ATP2B2: variants seen among roughly 807,000 people sequenced by gnomAD.
ATP2B2 encodes plasma membrane calcium-transporting ATPase 2.
A neutral mutation model predicts 120.0 loss-of-function variants in ATP2B2; 15 were observed. The ratio of observed to expected loss-of-function variants is 0.12; its 90% CI spans 0.08 to 0.19. The LOEUF (loss-of-function observed/expected upper bound fraction) is 0.19, where lower values mean the gene tolerates loss of function less well. Ranked by LOEUF, ATP2B2 falls within the 10% of genes least tolerant of loss-of-function variation. The pLI is 1.00. For synonymous variants in ATP2B2, 694 were observed against 700.3 expected, an observed-to-expected ratio of 0.99 and a Z score of 0.14; for missense variants, 1,045 against 1,719.8, an observed-to-expected ratio of 0.61 and a Z score of 6.94.
At chr3:10,530,189 G>T (rs1041123255) in intron 3 of ATP2B2, among the ~76,000 whole-genome samples, 2 of 152,180 alleles carry the variant, frequency 1.3e-5, no homozygotes, top group African/African-American at 4.8e-5. Flanking sequence ...ACCATTTGAG[G>T]CGATTGTTCC....
chr3:10,419,797 G>C (rs971409539), intron 2 of ATP2B2, among the ~76,000 whole-genome samples: 2 of 152,212 alleles, frequency 1.3e-5, no homozygotes, highest in African/African-American at 2.4e-5. Flanking sequence ...ACCCTGCCCT[G>C]TTCCAGCCTG....
chr3:10,405,142 C>T (rs2160871), intron 3 of ATP2B2, among the ~76,000 whole-genome samples: 25,139 of 152,148 alleles, frequency 0.17, 2,446 homozygotes, highest in Admixed American at 0.28. Flanking sequence ...GATAACCCAA[C>T]GGATTTGTGA....
intron 22 of ATP2B2, among the ~76,000 whole-genome samples, chr3:10,337,969 T>C (rs1357826102): frequency 6.6e-6 from 1 of 152,080 alleles, no homozygotes; most frequent in African/African-American, 2.4e-5. Flanking sequence ...GAGGGCACAA[T>C]GGGACCTCTC....
intron 14 of ATP2B2, among the ~76,000 whole-genome samples, chr3:10,356,870 C>CCAAGCT (rs930390150): frequency 2.0e-5 from 3 of 152,036 alleles, no homozygotes; most frequent in Admixed American, 2.0e-4. Flanking sequence ...GGCTCCACTG[C>CCAAGCT]CAAGCTCCAG....
intron 1 of ATP2B2, among the ~76,000 whole-genome samples, chr3:10,504,983 C>T (rs2066558809): frequency 6.6e-6 from 1 of 152,202 alleles, no homozygotes; most frequent in Non-Finnish European, 1.5e-5. Context: ...GGGGCCTCCT[C>T]CTGCCTCTTT....
At chr3:10,629,486 T>A (rs1299612340) in intron 1 of ATP2B2, among the ~76,000 whole-genome samples, 1 of 152,240 alleles carries the variant, frequency 6.6e-6, no homozygotes, top group African/African-American at 2.4e-5. Context: ...GCCGAGGGCC[T>A]TCCGTGTGCC....
rs1287439543 is a variant in ATP2B2, at chr3:10,381,931, T to C, written c.1001-2647A>G. 4.6e-5 allele frequency among the ~76,000 whole-genome samples: 7 copies of C among 151,908 alleles called. No homozygotes were observed. In the East Asian group the frequency reaches 1.4e-3, roughly 29 times the overall value. The stretch of plus-strand genomic sequence containing the variant: ...ACCACTACCTGGGAGACTTGGGAAA[T>C]ACCACTTCTCTTCCCTGTGCCTCCA... On this transcript the variant is annotated intron_variant, in intron 8 of 22. Coordinates refer to ENST00000360273, the MANE Select transcript of ATP2B2 (RefSeq NM_001001331.4).
At chr3:10,680,263 A>T (rs1377503257) in intron 1 of ATP2B2, among the ~76,000 whole-genome samples, 2 of 152,136 alleles carry the variant, frequency 1.3e-5, no homozygotes, top group Admixed American at 1.3e-4. Context: ...GTAAAGTGGG[A>T]GGCTGCATGG....
intron 1 of ATP2B2, among the ~76,000 whole-genome samples, chr3:10,500,970 G>A (rs2066361793): frequency 6.6e-6 from 1 of 152,234 alleles, no homozygotes; most frequent in Admixed American, 6.5e-5. Flanking sequence ...CAAGGGGAGA[G>A]CTTGGGACCA....
intron 5 of ATP2B2, among the ~76,000 whole-genome samples, chr3:10,393,612 C>T (rs1241643967): frequency 6.6e-6 from 1 of 152,114 alleles, no homozygotes; most frequent in African/African-American, 2.4e-5. Context: ...GGAGAGCTGT[C>T]TGGGGCAGCC....
chr3:10,572,853 G>T (rs2068158159), intron 2 of ATP2B2, among the ~76,000 whole-genome samples: 1 of 152,170 alleles, frequency 6.6e-6, no homozygotes, highest in African/African-American at 2.4e-5. Context: ...GTAACCCAAG[G>T]TTTCTCAGTA....
At chr3:10,632,334 C>T (rs1490541094) in intron 1 of ATP2B2, among the ~76,000 whole-genome samples, 3 of 152,198 alleles carry the variant, frequency 2.0e-5, no homozygotes, top group Non-Finnish European at 4.4e-5. Context: ...CTCGTCTCCC[C>T]GTTTTCACGC....
chr3:10,378,008 A>C (rs2061426550), intron 10 of ATP2B2, among the ~76,000 whole-genome samples: 1 of 152,234 alleles, frequency 6.6e-6, no homozygotes, highest in Admixed American at 6.5e-5. Context: ...ACAAGAAGGC[A>C]GGCCGTCTGC....
intron 13 of ATP2B2, 41 bp downstream of exon 13, chr3:10,359,841 A>G: frequency 6.2e-7 from 1 of 1,613,308 alleles, no homozygotes; most frequent in South Asian, 1.1e-5. Flanking sequence ...TCCCTGCACC[A>G]GGGCACAGCC....
intron 2 of ATP2B2, among the ~76,000 whole-genome samples, chr3:10,588,349 G>C (rs377280152): frequency 6.6e-6 from 1 of 152,174 alleles, no homozygotes; most frequent in East Asian, 1.9e-4. Flanking sequence ...GGAGGAGAGG[G>C]AATATTTGTA....
intron 4 of ATP2B2, among the ~76,000 whole-genome samples, 157 bp from the exon 5 acceptor site, chr3:10,401,235 C>T (rs1204703609): frequency 1.3e-5 from 2 of 152,134 alleles, no homozygotes; most frequent in Admixed American, 6.5e-5. Flanking sequence ...CCATAGAAGG[C>T]CCATGTACAG....
intron 1 of ATP2B2, among the ~76,000 whole-genome samples, chr3:10,495,167 G>T (rs2066093590): frequency 6.6e-6 from 1 of 152,184 alleles, no homozygotes; most frequent in Non-Finnish European, 1.5e-5. Flanking sequence ...GTCCCCGTGG[G>T]CAGTTGCATT....
intron 1 of ATP2B2, among the ~76,000 whole-genome samples, chr3:10,628,387 C>G (rs569655527): frequency 1.3e-5 from 2 of 150,448 alleles, no homozygotes; most frequent in African/African-American, 5.0e-5. Context: ...GAGTGAACAG[C>G]AGCCAGGAGC....
intron 1 of ATP2B2, among the ~76,000 whole-genome samples, chr3:10,486,932 A>T (rs35388636): frequency 0.36 from 54,971 of 151,856 alleles, 11,637 homozygotes; most frequent in Non-Finnish European, 0.49. Context: ...TACTAAATGT[A>T]GGCCAGGCTG....
Sources: gnomAD v4.1 joint callset for allele counts (sites outside exome capture counted in the v4.1 genomes callset) on GRCh38, gnomAD v4.1.1 for gene constraint, MANE v1.5 for transcripts, NCBI Gene and HGNC (gene_info 2026-07-23, HGNC 2026-07-21) for gene names.